Variants in DUS2 observed in about 807,000 individuals in gnomAD.
The protein encoded by DUS2 is tRNA-dihydrouridine(20) synthase [NAD(P)+]-like.
Under a neutral mutation model 71.3 loss-of-function variants are expected in DUS2, and 52 were observed. The ratio of observed to expected loss-of-function variants is 0.73; its 90% CI spans 0.58 to 0.92. DUS2 has a LOEUF of 0.92. Ranked by LOEUF, DUS2 falls within the 40% of genes least tolerant of loss-of-function variation. DUS2 has a pLI of 0.00. For missense variants in DUS2, 558 were observed against 622.6 expected (o/e 0.90, Z 1.10); for synonymous variants, 204 against 227.8 (o/e 0.90, Z 0.94).
At chr16:68,027,746 T>C (rs2033375768) in intron 2 of DUS2, among the ~76,000 whole-genome samples, 1 of 152,204 alleles carries the variant, frequency 6.6e-6, no homozygotes, top group African/African-American at 2.4e-5. Context: ...AGAGATGCCT[T>C]TACCCTGTTT....
chr16:68,070,170 T>A lies in DUS2; in HGVS notation c.591T>A (p.Cys197Ter), dbSNP rs767933030. The A allele has an allele frequency of 6.2e-7, 1 of 1,614,148 alleles. No homozygotes were observed. The highest frequency in any genetic ancestry group is 8.5e-7 in the Non-Finnish European group (1 of 1,179,996). ...AGCGACCTCAGCATCCTGTCAGCTG[T>A]GAAGTCATCAAAGCCATTGCTGATA... ...REERPQHPVS[C>*]EVIKAIADTL... The change falls in exon 11 of 17, where the codon TGT becomes TGA. Residue 197 changes from cysteine to a stop codon, truncating the protein, a stop_gained. Transcript: ENST00000565263. LOFTEE classifies it high-confidence loss of function.
intron 12 of DUS2, 123 bp downstream of exon 12, chr16:68,071,231 C>T: frequency 9.5e-7 from 1 of 1,057,814 alleles, no homozygotes; most frequent in Non-Finnish European, 1.4e-6. Context: ...TTCTTTTTAG[C>T]TCATGTAGTG....
intron 2 of DUS2, 121 bp from the exon 3 acceptor site, chr16:68,037,885 A>C: frequency 9.5e-7 from 1 of 1,051,534 alleles, no homozygotes; most frequent in Non-Finnish European, 1.3e-6. Context: ...ATAAACAACC[A>C]ACCAAAAGAA....
chr16:68,073,648 C>T (rs1288392155), intron 12 of DUS2, among the ~76,000 whole-genome samples: 1 of 152,124 alleles, frequency 6.6e-6, no homozygotes, highest in Non-Finnish European at 1.5e-5. Context: ...GGGGCTTCAC[C>T]ATGTTGGTCA....
At chr16:68,053,324 A>C (rs1406391449) in intron 4 of DUS2, among the ~76,000 whole-genome samples, 1 of 152,228 alleles carries the variant, frequency 6.6e-6, no homozygotes, top group East Asian at 1.9e-4. Flanking sequence ...CATTAAACAC[A>C]AACATGCAGT....
At chr16:68,058,343 G>A (rs181063489) in intron 7 of DUS2, among the ~76,000 whole-genome samples, 1 of 151,822 alleles carries the variant, frequency 6.6e-6, no homozygotes, top group East Asian at 1.9e-4. Context: ...TCCTGCCTCA[G>A]CCTCCTGAGT....
intron 7 of DUS2, among the ~76,000 whole-genome samples, chr16:68,057,058 ATG>A (rs966347885): frequency 2.9e-5 from 4 of 137,438 alleles, no homozygotes; most frequent in Non-Finnish European, 6.1e-5. Context: ...TTATATATAT[ATG>A]TAATATATAT....
chr16:68,034,123 T>A (rs1400182259), intron 2 of DUS2, among the ~76,000 whole-genome samples: 6 of 152,064 alleles, frequency 3.9e-5, no homozygotes, highest in Admixed American at 3.9e-4. Context: ...TGGAGTGCAG[T>A]GGTATGATAT....
At chr16:68,053,087 C>T (rs1385926411) in intron 4 of DUS2, among the ~76,000 whole-genome samples, 8 of 151,812 alleles carry the variant, frequency 5.3e-5, no homozygotes, top group African/African-American at 1.5e-4. Flanking sequence ...CTCAGCCTCT[C>T]GAGTAGCTAG....
chr16:68,049,796 A>G (rs944634686), intron 4 of DUS2, among the ~76,000 whole-genome samples: 1 of 152,190 alleles, frequency 6.6e-6, no homozygotes, highest in African/African-American at 2.4e-5. Flanking sequence ...ATCATAGCAT[A>G]GGAGGGACTC....
At chr16:68,066,495 G>A (rs1182889393) in intron 9 of DUS2, 71 bp from the exon 10 acceptor site, 2 of 1,586,246 alleles carry the variant, frequency 1.3e-6, no homozygotes, top group African/African-American at 2.7e-5. Context: ...GTAGAGCTGA[G>A]CCTACTTTAG....
chr16:68,078,356 TC>T, intron 15 of DUS2, 88 bp from the exon 16 acceptor site: 3 of 1,280,728 alleles, frequency 2.3e-6, no homozygotes, highest in Non-Finnish European at 3.4e-6. Flanking sequence ...TGGAAACACT[TC>T]CTTTTATCTG....
chr16:68,074,248 C>T (rs1237694459), intron 13 of DUS2, 93 bp downstream of exon 13: 1 of 1,500,828 alleles, frequency 6.7e-7, no homozygotes, highest in East Asian at 2.3e-5. Flanking sequence ...GGACCAGGGA[C>T]ACAGCTTCTG....
At chr16:68,057,174 A>G (rs1393978689) in intron 7 of DUS2, among the ~76,000 whole-genome samples, 2 of 142,766 alleles carry the variant, frequency 1.4e-5, no homozygotes, top group Non-Finnish European at 3.0e-5. Context: ...TATATAAAAT[A>G]AATATATAAT....
chr16:68,053,453 A>G, intron 4 of DUS2, 111 bp from the exon 5 acceptor site: 1 of 956,220 alleles, frequency 1.0e-6, no homozygotes, highest in Non-Finnish European at 1.6e-6. Flanking sequence ...TACATTTAGG[A>G]TCTCTTTCCC....
Position 68,079,179 on chromosome 16 carries a change from T to A in DUS2, c.*193T>A, listed in dbSNP as rs924280125. 4 of 471,976 alleles carry A rather than the reference T, an allele frequency of 8.5e-6. No homozygotes were observed. The East Asian group carries it at 1.3e-4, about 15-fold the overall frequency. The allele number at this position is 471,976 out of a possible 1,614,324, so 29.2% of individuals were successfully genotyped here. A position where few individuals can be genotyped will look rare whatever the true frequency, so the allele number is the denominator to read the frequency against. On this transcript the variant is annotated 3_prime_UTR_variant, in exon 17 of 17. Coordinates refer to ENST00000565263, the MANE Select transcript of DUS2 (RefSeq NM_017803.5). ...GGTGGATCCTGGCCCCTTTGGTGGA[T>A]CTGAGTGACAGGGTCAAGTTCTCTT...
chr16:68,023,292 G>C lies in DUS2; in HGVS notation c.-158G>C. On this transcript the variant is annotated 5_prime_UTR_variant, in exon 1 of 17. Coordinates refer to ENST00000565263, the MANE Select transcript of DUS2 (RefSeq NM_017803.5). ...GGTGGCTGGCGAGGCTCAGTACGGTGTGTGGAGCTGGAGCACCGTGAGGAA... is the reference window on the plus strand; with the variant it reads ...GGTGGCTGGCGAGGCTCAGTACGGTCTGTGGAGCTGGAGCACCGTGAGGAA... The C allele has an allele frequency of 1.4e-6, 2 of 1,420,002 alleles. No homozygotes were observed. The highest frequency in any genetic ancestry group is 1.4e-5 in the South Asian group (1 of 73,800). 88.0% of individuals were successfully genotyped at this position (1,420,002 alleles called of 1,614,324 possible).
chr16:68,072,917 G>A (rs2034107501), intron 12 of DUS2, among the ~76,000 whole-genome samples: 1 of 152,342 alleles, frequency 6.6e-6, no homozygotes, highest in South Asian at 2.1e-4. Context: ...AGTAACCCAT[G>A]TGAACTAAAT....
At chr16:68,073,943 G>A (rs906109269) in intron 12 of DUS2, 91 bp from the exon 13 acceptor site, 6 of 1,533,784 alleles carry the variant, frequency 3.9e-6, no homozygotes, top group East Asian at 2.3e-5. Context: ...TACATCTCTG[G>A]TGCCTTCTTG....
Sources: allele counts gnomAD v4.1 joint callset (sites outside exome capture counted in the v4.1 genomes callset), GRCh38; gene constraint gnomAD v4.1.1; transcripts MANE v1.5; gene names NCBI Gene and HGNC (gene_info 2026-07-23, HGNC 2026-07-21).